COX7B2: variants seen among roughly 807,000 people sequenced by gnomAD.
COX7B2 encodes cytochrome c oxidase subunit 7B2.
For synonymous variants in COX7B2, 37 were observed against 32.1 expected, an observed-to-expected ratio of 1.15 and a Z score of -0.51; for missense variants, 109 against 95.9, an observed-to-expected ratio of 1.14 and a Z score of -0.57.
chr4:46,822,859 A>C (rs1210134958), intron 2 of COX7B2, among the ~76,000 whole-genome samples: 1 of 152,228 alleles, frequency 6.6e-6, no homozygotes, highest in Non-Finnish European at 1.5e-5. Flanking sequence ...GCTAGAAAGA[A>C]CTTCAGTTTT....
chr4:46,785,473 C>T lies in COX7B2; in HGVS notation c.-49-50232G>A, dbSNP rs539662095. On this transcript the variant is annotated intron_variant, in intron 2 of 2. Transcript: ENST00000355591. ...ACTGCAAGCTCCACCTCCTGGGTTA[C>T]GCCATTCTCCTGCCTCAGCCTCCCG... Among the ~76,000 whole-genome samples, 7 of 151,682 alleles carry T rather than the reference C, an allele frequency of 4.6e-5. No homozygotes were observed. In the South Asian group the frequency reaches 6.2e-4, roughly 14 times the overall value.
intron 1 of COX7B2, among the ~76,000 whole-genome samples, chr4:46,906,861 C>T (rs1198264259): frequency 2.0e-5 from 3 of 152,180 alleles, no homozygotes; most frequent in African/African-American, 7.2e-5. Flanking sequence ...CAATATGCCC[C>T]TCTTGCTTGA....
chr4:46,814,961 G>A (rs145892215), intron 2 of COX7B2, among the ~76,000 whole-genome samples: 9 of 152,142 alleles, frequency 5.9e-5, no homozygotes, highest in African/African-American at 1.4e-4. Context: ...CGAAGTGGGC[G>A]AATCACTTCA....
intron 2 of COX7B2, among the ~76,000 whole-genome samples, chr4:46,810,856 T>C (rs1719251431): frequency 6.6e-6 from 1 of 152,204 alleles, no homozygotes; most frequent in Non-Finnish European, 1.5e-5. Context: ...TCTTGGCTTA[T>C]GCTTGTCTGT....
intron 2 of COX7B2, among the ~76,000 whole-genome samples, chr4:46,790,180 G>T (rs1202386855): frequency 2.6e-5 from 4 of 152,112 alleles, no homozygotes; most frequent in Non-Finnish European, 5.9e-5. Flanking sequence ...AACAGAACGA[G>T]CAATTTATCT....
chr4:46,800,394 T>C (rs891048277), intron 2 of COX7B2, among the ~76,000 whole-genome samples: 1 of 152,098 alleles, frequency 6.6e-6, no homozygotes, highest in Non-Finnish European at 1.5e-5. Flanking sequence ...CAAAACAGTA[T>C]GGTACTGGCA....
intron 2 of COX7B2, among the ~76,000 whole-genome samples, chr4:46,772,596 C>T (rs1388888961): frequency 6.6e-6 from 1 of 151,658 alleles, no homozygotes; most frequent in Non-Finnish European, 1.5e-5. Flanking sequence ...CTCATTAAAG[C>T]TGGGAAGGAG....
chr4:46,866,572 C>A lies in COX7B2; in HGVS notation c.-104-21558G>T, dbSNP rs1041835423. Among the ~76,000 whole-genome samples the A allele has an allele frequency of 2.0e-5, 3 of 152,168 alleles. No individual in the cohort carries two copies. The South Asian group carries it at 6.2e-4, about 32-fold the overall frequency. On this transcript the variant is annotated intron_variant, in intron 1 of 2. Coordinates refer to ENST00000355591, the MANE Select transcript of COX7B2 (RefSeq NM_130902.3). ...TATAACCCCATAAGGCCCAATAATACCAAAAATAAACAAACAATAGCATTA... is the reference window on the plus strand; with the variant it reads ...TATAACCCCATAAGGCCCAATAATAACAAAAATAAACAAACAATAGCATTA...
At chr4:46,769,808 TA>T (rs1283995877) in intron 2 of COX7B2, among the ~76,000 whole-genome samples, 1 of 151,760 alleles carries the variant, frequency 6.6e-6, no homozygotes, top group Non-Finnish European at 1.5e-5. Flanking sequence ...CTTGTCATGA[TA>T]AAAAAAACAA....
intron 1 of COX7B2, among the ~76,000 whole-genome samples, chr4:46,873,601 G>T (rs1718140538): frequency 6.6e-6 from 1 of 152,066 alleles, no homozygotes; most frequent in Admixed American, 6.6e-5. Flanking sequence ...ATATCTGTTG[G>T]ATGCATTAAT....
At chr4:46,803,149 T>C (rs991613516) in intron 2 of COX7B2, among the ~76,000 whole-genome samples, 2 of 152,118 alleles carry the variant, frequency 1.3e-5, no homozygotes, top group African/African-American at 4.8e-5. Context: ...CCAGGAGTTG[T>C]ATAAAGGTTC....
intron 2 of COX7B2, among the ~76,000 whole-genome samples, chr4:46,815,608 G>T (rs909962790): frequency 1.3e-5 from 2 of 151,976 alleles, no homozygotes; most frequent in African/African-American, 4.8e-5. Flanking sequence ...TCCTACAGCT[G>T]CAGAAATGCA....
At chr4:46,809,897 T>A (rs1719197659) in intron 2 of COX7B2, among the ~76,000 whole-genome samples, 1 of 151,964 alleles carries the variant, frequency 6.6e-6, no homozygotes, top group Non-Finnish European at 1.5e-5. Context: ...TTATGTTCAT[T>A]AATAGTTTAC....
At chr4:46,756,768 G>T (rs551430051) in intron 2 of COX7B2, among the ~76,000 whole-genome samples, 1 of 152,086 alleles carries the variant, frequency 6.6e-6, no homozygotes, top group Non-Finnish European at 1.5e-5. Context: ...CAGTCAGAAT[G>T]GGAAAGTCTA....
chr4:46,843,029 G>C (rs896964790), intron 2 of COX7B2, among the ~76,000 whole-genome samples: 5 of 152,074 alleles, frequency 3.3e-5, no homozygotes, highest in Non-Finnish European at 5.9e-5. Context: ...CAGTGTAAAA[G>C]TGTTCCTATT....
At chr4:46,770,722 G>T (rs940390927) in intron 2 of COX7B2, among the ~76,000 whole-genome samples, 25 of 151,930 alleles carry the variant, frequency 1.6e-4, no homozygotes, top group Non-Finnish European at 1.5e-4. Flanking sequence ...CACATAAAAT[G>T]ATGAAATGAC....
intron 2 of COX7B2, among the ~76,000 whole-genome samples, chr4:46,754,975 C>G (rs1715688615): frequency 6.6e-6 from 1 of 150,752 alleles, no homozygotes; most frequent in Non-Finnish European, 1.5e-5. Context: ...CAAAATCATA[C>G]AAGGGCACAA....
intron 2 of COX7B2, among the ~76,000 whole-genome samples, chr4:46,824,353 C>T (rs1009013740): frequency 7.9e-5 from 12 of 152,054 alleles, no homozygotes; most frequent in African/African-American, 2.7e-4. Flanking sequence ...AATCTGGCAA[C>T]ATACACATCT....
intron 1 of COX7B2, among the ~76,000 whole-genome samples, chr4:46,900,685 C>T (rs559989400): frequency 2.6e-5 from 4 of 152,216 alleles, no homozygotes; most frequent in African/African-American, 9.6e-5. Context: ...TGATAGGTCA[C>T]CCTCATTAAT....
Sources: allele counts gnomAD v4.1 joint callset (sites outside exome capture counted in the v4.1 genomes callset), GRCh38; gene constraint gnomAD v4.1.1; transcripts MANE v1.5; gene names NCBI Gene and HGNC (gene_info 2026-07-23, HGNC 2026-07-21).